Variants in GABRB2 observed in about 807,000 individuals in gnomAD.
GABRB2 encodes the protein gamma-aminobutyric acid type A receptor subunit beta2, also known as gamma-aminobutyric acid receptor subunit beta-2.
In GABRB2, 16 loss-of-function variants were observed where a neutral mutation model predicts 54.7. That is an observed-to-expected ratio of 0.29 (90% CI 0.20 to 0.44). The LOEUF is 0.44. Ranked by LOEUF, GABRB2 falls within the 20% of genes least tolerant of loss-of-function variation. GABRB2 has a pLI of 1.00. For synonymous variants in GABRB2, 244 were observed against 233.8 expected, an observed-to-expected ratio of 1.04 and a Z score of -0.40; for missense variants, 355 against 644.0, an observed-to-expected ratio of 0.55 and a Z score of 4.86.
At chr5:161,439,926 T>C (rs751994821) in intron 4 of GABRB2, among the ~76,000 whole-genome samples, 2 of 151,682 alleles carry the variant, frequency 1.3e-5, no homozygotes, top group African/African-American at 2.4e-5. Context: ...ATAGCACATG[T>C]TTACCTATAT....
intron 5 of GABRB2, among the ~76,000 whole-genome samples, chr5:161,403,531 G>C (rs1434582954): frequency 2.6e-5 from 4 of 152,080 alleles, no homozygotes. Flanking sequence ...TGAATTCCAA[G>C]ATTAGCAGAC....
intron 5 of GABRB2, among the ~76,000 whole-genome samples, chr5:161,396,302 G>A (rs1756000534): frequency 6.6e-6 from 1 of 152,152 alleles, no homozygotes; most frequent in Admixed American, 6.6e-5. Flanking sequence ...AGAGTACTGT[G>A]ATTAGAGGGA....
intron 5 of GABRB2, among the ~76,000 whole-genome samples, chr5:161,384,083 A>ATATACCATATGTG (rs1755552639): frequency 6.6e-6 from 1 of 152,182 alleles, no homozygotes; most frequent in Admixed American, 6.5e-5. Context: ...TCCATTGTGT[A>ATATACCATATGTG]TATACCCACA....
intron 3 of GABRB2, among the ~76,000 whole-genome samples, chr5:161,538,154 A>T (rs1414556743): frequency 6.6e-6 from 1 of 152,090 alleles, no homozygotes; most frequent in Non-Finnish European, 1.5e-5. Context: ...TCCCCACATA[A>T]ATAGTACAGT....
intron 3 of GABRB2, among the ~76,000 whole-genome samples, chr5:161,523,269 A>C (rs1328385849): frequency 6.6e-6 from 1 of 151,590 alleles, no homozygotes. Context: ...AAACTTTCAC[A>C]AGTAATCCTA....
intron 5 of GABRB2, among the ~76,000 whole-genome samples, chr5:161,387,784 G>A (rs1311561036): frequency 6.6e-6 from 1 of 152,106 alleles, no homozygotes; most frequent in East Asian, 1.9e-4. Flanking sequence ...TAAAAACTTA[G>A]CTTAAATAAA....
chr5:161,430,232 A>G (rs1437554274), intron 4 of GABRB2, among the ~76,000 whole-genome samples: 1 of 152,228 alleles, frequency 6.6e-6, no homozygotes. Flanking sequence ...GATTTATTCC[A>G]GTCAGTATGG....
intron 9 of GABRB2, 73 bp downstream of exon 9, chr5:161,326,295 T>TAAAAAA: frequency 6.3e-7 from 1 of 1,590,150 alleles, no homozygotes; most frequent in Non-Finnish European, 8.6e-7. Flanking sequence ...CCCACACATT[T>TAAAAAA]TTTAAGGGAA....
At chr5:161,302,804 T>G (rs1263393128) in intron 9 of GABRB2, among the ~76,000 whole-genome samples, 2 of 152,222 alleles carry the variant, frequency 1.3e-5, no homozygotes, top group Admixed American at 6.5e-5. Flanking sequence ...CTTAGTGTTT[T>G]AAGAGGTCAA....
chr5:161,330,237 A>G (rs1753791997), intron 8 of GABRB2: 1 of 152,208 alleles, frequency 6.6e-6, no homozygotes. Flanking sequence ...GTGGCCTCAT[A>G]TAGTCAAATG....
chr5:161,314,914 A>C (rs1386211784), intron 9 of GABRB2, among the ~76,000 whole-genome samples: 2 of 152,196 alleles, frequency 1.3e-5, no homozygotes, highest in African/African-American at 4.8e-5. Flanking sequence ...TCTCATACTA[A>C]CTTTGGGGGG....
chr5:161,294,534 AAG>A, intron 9 of GABRB2, 106 bp from the exon 10 acceptor site: 1 of 901,518 alleles, frequency 1.1e-6, no homozygotes, highest in East Asian at 2.5e-5. Context: ...AGGAGTGGTA[AAG>A]AGAGCTACCT....
intron 3 of GABRB2, among the ~76,000 whole-genome samples, chr5:161,532,965 G>A (rs1296302649): frequency 6.6e-6 from 1 of 152,132 alleles, no homozygotes; most frequent in African/African-American, 2.4e-5. Flanking sequence ...GCTTATTCAT[G>A]TATTGCTTTT....
chr5:161,388,808 C>T (rs1258963044), intron 5 of GABRB2, among the ~76,000 whole-genome samples: 4 of 151,830 alleles, frequency 2.6e-5, no homozygotes, highest in African/African-American at 9.7e-5. Flanking sequence ...TCAACAGCAA[C>T]ATGTTGCTTA....
intron 5 of GABRB2, among the ~76,000 whole-genome samples, chr5:161,348,100 T>C (rs1434737025): frequency 6.6e-6 from 1 of 152,100 alleles, no homozygotes; most frequent in Non-Finnish European, 1.5e-5. Flanking sequence ...CTGAAAAAAA[T>C]TGTTATTCTA....
At chr5:161,447,746 A>C (rs1229150327) in intron 4 of GABRB2, among the ~76,000 whole-genome samples, 1 of 152,208 alleles carries the variant, frequency 6.6e-6, no homozygotes, top group African/African-American at 2.4e-5. Context: ...CAAGTGATTA[A>C]AACTTTTACC....
intron 5 of GABRB2, among the ~76,000 whole-genome samples, chr5:161,350,482 GC>G: frequency 6.6e-6 from 1 of 152,086 alleles, no homozygotes; most frequent in Middle Eastern, 3.4e-3. Context: ...AACCAAAGAG[GC>G]TAAAGACCTG....
At chr5:161,468,702 A>G (rs1357478017) in intron 3 of GABRB2, among the ~76,000 whole-genome samples, 1 of 152,008 alleles carries the variant, frequency 6.6e-6, no homozygotes, top group East Asian at 1.9e-4. Context: ...TCACTGATGT[A>G]CCCCTATGCC....
In GABRB2 at chr5:161,336,808, A is replaced by AC; in HGVS notation, c.542-40_542-39insG. ...CATACACACACACACACACAAATAC[A>AC]GAAAACAAAAAAAAAAAAACAGACA... On this transcript the variant is annotated intron_variant, in intron 5 of 9. Transcript: ENST00000393959. 4 of 1,528,158 alleles carry AC rather than the reference A, an allele frequency of 2.6e-6. No individual in the cohort carries two copies. In the African/African-American group the frequency reaches 4.4e-5, roughly 17 times the overall value. 94.7% of individuals were successfully genotyped at this position (1,528,158 alleles called of 1,614,324 possible).
Sources: allele counts gnomAD v4.1 joint callset (sites outside exome capture counted in the v4.1 genomes callset), GRCh38; gene constraint gnomAD v4.1.1; transcripts MANE v1.5; gene names NCBI Gene and HGNC (gene_info 2026-07-23, HGNC 2026-07-21).